The following AMPH variants were observed in gnomAD, a reference collection of about 807,000 sequenced individuals.
AMPH encodes the protein amphiphysin (Stiff-Mann syndrome with breast cancer 128kD autoantigen).
AMPH carries 49 observed loss-of-function variants against 99.1 expected under a neutral mutation model. The ratio of observed to expected loss-of-function variants is 0.49; its 90% CI spans 0.39 to 0.63. The LOEUF (loss-of-function observed/expected upper bound fraction) is 0.63, where lower values mean the gene tolerates loss of function less well. Among genes scored for constraint, AMPH ranks in the 20% least tolerant of loss-of-function variants. AMPH has a pLI of 0.00. For synonymous variants in AMPH, 314 were observed against 317.3 expected (o/e 0.99, Z 0.11); for missense variants, 759 against 863.4 (o/e 0.88, Z 1.52).
chr7:38,621,298 T>C (rs570493232), intron 1 of AMPH, among the ~76,000 whole-genome samples: 1 of 152,342 alleles, frequency 6.6e-6, no homozygotes, highest in East Asian at 1.9e-4. Flanking sequence ...CTAATAACTA[T>C]GTACTTAGTA....
intron 1 of AMPH, among the ~76,000 whole-genome samples, chr7:38,579,895 G>T (rs973446917): frequency 1.3e-5 from 2 of 152,102 alleles, no homozygotes; most frequent in Non-Finnish European, 1.5e-5. Context: ...AAACACAAAA[G>T]ATCAAGAAAA....
rs1785443529 is a variant in AMPH at position 38,417,933 on chromosome 7, A to T, written c.1290T>A (p.Ala430=). 2 of 1,613,940 alleles carry T rather than the reference A, an allele frequency of 1.2e-6. No individual in the cohort carries two copies. The highest frequency in any genetic ancestry group is 1.3e-5 in the African/African-American group (1 of 74,920). ...MICNLAESEQ[A]PPTEPKAEEP... The stretch of plus-strand genomic sequence containing the variant: ...CCTCTGCTTTTGGCTCTGTGGGTGG[A>T]GCCTGTTCAGATTCAGCCTTGGAGT... Residue 430 remains alanine (A), a synonymous_variant, in exon 17 of 21, where the codon GCT becomes GCA. Transcript: ENST00000356264.
At position 38,631,328 on chromosome 7, in the gene AMPH, G is replaced by A. The variant is rs774494302; in HGVS notation, c.24C>T (p.Ile8=). 2.0e-5 allele frequency: 31 copies of A among 1,555,956 alleles called. No individual in the cohort carries two copies. The highest frequency in any genetic ancestry group is 1.7e-4 in the Middle Eastern group (1 of 5,912). ...GTCGCTTCTGGACGTTCTTGGCGAA[G>A]ATGCCCGTCTTGATGTCGGCCATGG... MADIKTG[I]FAKNVQKRLN... Residue 8 remains isoleucine, a synonymous_variant, in exon 1 of 21, where the codon ATC becomes ATT. Transcript: ENST00000356264.
chr7:38,426,016 ATT>A (rs1435780795), intron 15 of AMPH, among the ~76,000 whole-genome samples: 1 of 152,164 alleles, frequency 6.6e-6, no homozygotes, highest in Non-Finnish European at 1.5e-5. Flanking sequence ...GTCTCTTTGT[ATT>A]TGTGTGTATC....
chr7:38,522,193 T>A (rs1210797511), intron 2 of AMPH, among the ~76,000 whole-genome samples: 1 of 152,212 alleles, frequency 6.6e-6, no homozygotes, highest in Non-Finnish European at 1.5e-5. Flanking sequence ...ATAACTGCCA[T>A]CCTATTAAAG....
intron 20 of AMPH, 101 bp downstream of exon 20, chr7:38,389,703 C>A: frequency 1.1e-6 from 1 of 921,850 alleles, no homozygotes; most frequent in Non-Finnish European, 1.7e-6. Flanking sequence ...TGGCTTGTAG[C>A]ATCTCAGAAA....
At chr7:38,406,709 C>G (rs1431340506) in intron 17 of AMPH, among the ~76,000 whole-genome samples, 2 of 132,334 alleles carry the variant, frequency 1.5e-5, no homozygotes, top group Admixed American at 1.6e-4. Context: ...GTTCTCTCTC[C>G]TCTCCTCTCT....
intron 1 of AMPH, among the ~76,000 whole-genome samples, chr7:38,587,970 G>C (rs944663485): frequency 6.6e-5 from 10 of 151,792 alleles, no homozygotes; most frequent in African/African-American, 2.4e-4. Flanking sequence ...GTGTGAGAGA[G>C]AGATAGGGTC....
rs1785440512 is a variant in AMPH at position 38,417,866 on chromosome 7, C to T, written c.1357G>A (p.Gly453Arg). 6.2e-7 allele frequency: 1 copy of T among 1,614,160 alleles called. No individual in the cohort carries two copies. The highest frequency in any genetic ancestry group is 8.5e-7 in the Non-Finnish European group (1 of 1,180,010). The change falls in exon 17 of 21, where the codon GGA (glycine) becomes AGA (arginine). Residue 453 changes from glycine (G) to arginine (R), a missense_variant. By Grantham distance (125) the Gly-to-Arg change is moderately radical. This residue lies in a region of AMPH where 554 missense variants were observed against 575.6 expected (regional missense o/e 0.96). Transcript: ENST00000356264. ...AVTPAVGLDLGMDTRAEEPVE... is the reference protein window; with the variant it reads ...AVTPAVGLDLRMDTRAEEPVE... ...GGCTCCTCAGCCCGAGTGTCCATTC[C>T]AAGGTCCAGACCAACGGCAGGTGTG... is the stretch of plus-strand genomic sequence containing the variant.
At chr7:38,571,164 T>C (rs202178976) in intron 1 of AMPH, among the ~76,000 whole-genome samples, 7,756 of 80,514 alleles carry the variant, frequency 0.096, 1,465 homozygotes, top group East Asian at 0.29. Context: ...TATATATATT[T>C]TTATATATTT....
At chr7:38,570,903 C>A (rs1196338010) in intron 1 of AMPH, among the ~76,000 whole-genome samples, 1 of 82,498 alleles carries the variant, frequency 1.2e-5, no homozygotes, top group South Asian at 3.4e-4. Context: ...AATGTGTGTG[C>A]GTCTCAGTTT....
intron 17 of AMPH, among the ~76,000 whole-genome samples, chr7:38,417,026 G>T (rs987741271): frequency 6.6e-6 from 1 of 152,126 alleles, no homozygotes; most frequent in Non-Finnish European, 1.5e-5. Context: ...TTTCCTATTT[G>T]TACAGTCTAT....
chr7:38,508,506 A>C (rs1430057484), intron 2 of AMPH, among the ~76,000 whole-genome samples: 2 of 152,236 alleles, frequency 1.3e-5, no homozygotes, highest in African/African-American at 2.4e-5. Context: ...AAAATTTTTC[A>C]TTAAGTTGCC....
chr7:38,417,612 T>C (rs1472329539), intron 17 of AMPH, among the ~76,000 whole-genome samples: 2 of 152,224 alleles, frequency 1.3e-5, no homozygotes, highest in Non-Finnish European at 2.9e-5. Flanking sequence ...TATGTACAGT[T>C]TTCTTTAGAT....
chr7:38,561,861 AAAGC>A (rs1476561378), intron 1 of AMPH, among the ~76,000 whole-genome samples: 1 of 152,108 alleles, frequency 6.6e-6, no homozygotes, highest in Non-Finnish European at 1.5e-5. Flanking sequence ...GCCATCTGCA[AAAGC>A]AAGAAGAGGC....
chr7:38,385,161 T>C (rs999092657), intron 20 of AMPH, among the ~76,000 whole-genome samples: 1 of 151,916 alleles, frequency 6.6e-6, no homozygotes, highest in Non-Finnish European at 1.5e-5. Context: ...ATTGACTGTA[T>C]AAAGTATAGC....
At chr7:38,489,608 C>T (rs181043002) in intron 5 of AMPH, among the ~76,000 whole-genome samples, 1 of 152,162 alleles carries the variant, frequency 6.6e-6, no homozygotes, top group East Asian at 1.9e-4. Context: ...GAGAAAAGAT[C>T]TGCAAACCAC....
chr7:38,496,250 A>G (rs1330104359), intron 3 of AMPH, among the ~76,000 whole-genome samples: 1 of 152,208 alleles, frequency 6.6e-6, no homozygotes, highest in East Asian at 1.9e-4. Context: ...GTGAGAGAAA[A>G]GGACAAACTA....
At chr7:38,409,466 T>C (rs766952019) in intron 17 of AMPH, among the ~76,000 whole-genome samples, 1 of 152,222 alleles carries the variant, frequency 6.6e-6, no homozygotes, top group Admixed American at 6.5e-5. Context: ...ATTCAGGTCA[T>C]AATTTTCCTT....
Sources: gnomAD v4.1 joint callset for allele counts (sites outside exome capture counted in the v4.1 genomes callset) on GRCh38, gnomAD v4.1.1 for gene constraint, gnomAD v4.1.1 regional missense constraint, MANE v1.5 for transcripts, NCBI Gene and HGNC (gene_info 2026-07-23, HGNC 2026-07-21) for gene names.